RNF169: variants seen among roughly 807,000 people sequenced by gnomAD.
RNF169 encodes ring finger protein 169.
In RNF169, 24 loss-of-function variants were observed where a neutral mutation model predicts 53.9. That is an observed-to-expected ratio of 0.45 (90% confidence interval 0.32 to 0.63). The LOEUF is 0.63. RNF169 is among the 20% of genes least tolerant of loss of function. RNF169 has a pLI of 0.04. For synonymous variants in RNF169, 396 were observed against 363.5 expected, an observed-to-expected ratio of 1.09 and a Z score of -1.02; for missense variants, 883 against 906.2, an observed-to-expected ratio of 0.97 and a Z score of 0.33.
intron 2 of RNF169, chr11:74,808,279 TAAC>T (rs1038377854): frequency 3.9e-5 from 6 of 152,208 alleles, no homozygotes; most frequent in Admixed American, 1.3e-4. Flanking sequence ...CATAGTATGT[TAAC>T]AACATTAAGC....
At chr11:74,827,798 T>G (rs1158881191) in intron 4 of RNF169, among the ~76,000 whole-genome samples, 4 of 152,122 alleles carry the variant, frequency 2.6e-5, no homozygotes, top group Non-Finnish European at 5.9e-5. Context: ...TGTTGAAAAC[T>G]CTCAATAAAC....
intron 1 of RNF169, among the ~76,000 whole-genome samples, chr11:74,753,124 A>G (rs931954912): frequency 6.6e-6 from 1 of 152,026 alleles, no homozygotes; most frequent in Admixed American, 6.6e-5. Flanking sequence ...GTGCGCCACC[A>G]CGCCCGGCTA....
At position 74,749,125 on chromosome 11, in the gene RNF169, C is replaced by T. The variant is rs1371384290; in HGVS notation, c.245C>T (p.Pro82Leu). The T allele has an allele frequency of 3.0e-6, 4 of 1,352,514 alleles. No homozygotes were observed. The highest frequency in any genetic ancestry group is 3.1e-5 in the Admixed American group (1 of 32,184). The allele number at this position is 1,352,514 out of a possible 1,614,324, so 83.8% of individuals were successfully genotyped here. The change falls in exon 1 of 6, where the codon CCG (proline) becomes CTG (leucine). Residue 82 changes from proline (P) to leucine (L), a missense_variant. Pro to Leu is a moderately conservative substitution (Grantham distance 98). Around this residue, in one of 3 missense-constraint regions of RNF169, gnomAD observed 313 missense variants for 279.9 expected, o/e 1.12. Coordinates refer to ENST00000299563, the MANE Select transcript of RNF169 (RefSeq NM_001098638.2). ...LEPPGEAAAL[P>L]CGHSLCRGCA... Reference sequence around the variant, plus strand: ...CCCCCCGGAGAAGCAGCGGCCCTGCCGTGCGGCCACTCGCTTTGCCGAGGC... The same window carrying T: ...CCCCCCGGAGAAGCAGCGGCCCTGCTGTGCGGCCACTCGCTTTGCCGAGGC...
chr11:74,824,087 A>G (rs780513531), intron 4 of RNF169, among the ~76,000 whole-genome samples: 4 of 152,332 alleles, frequency 2.6e-5, no homozygotes, highest in Non-Finnish European at 2.9e-5. Context: ...AAGACATTTG[A>G]CATTTTTAAT....
At chr11:74,776,664 A>T (rs1257286367) in intron 1 of RNF169, among the ~76,000 whole-genome samples, 1 of 152,226 alleles carries the variant, frequency 6.6e-6, no homozygotes, top group African/African-American at 2.4e-5. Context: ...ATAAGTGCAG[A>T]ATGCCATGAG....
chr11:74,761,843 G>A (rs1162720221), intron 1 of RNF169, among the ~76,000 whole-genome samples: 3 of 145,110 alleles, frequency 2.1e-5, no homozygotes, highest in East Asian at 2.1e-4. Flanking sequence ...GAATCTGAAC[G>A]TTGGCCTGCC....
intron 1 of RNF169, among the ~76,000 whole-genome samples, chr11:74,752,609 A>G (rs2034916090): frequency 6.6e-6 from 1 of 152,062 alleles, no homozygotes; most frequent in Non-Finnish European, 1.5e-5. Flanking sequence ...AAAAAAAAAA[A>G]AAGATTCTTG....
intron 2 of RNF169, among the ~76,000 whole-genome samples, chr11:74,804,788 A>G (rs1030967100): frequency 1.3e-5 from 2 of 152,198 alleles, no homozygotes; most frequent in African/African-American, 4.8e-5. Flanking sequence ...CTGAGAACCT[A>G]TGGACGACGT....
At chr11:74,804,030 G>GA (rs558791495) in intron 2 of RNF169, among the ~76,000 whole-genome samples, 4 of 152,126 alleles carry the variant, frequency 2.6e-5, no homozygotes, top group East Asian at 1.9e-4. Context: ...ATTGATGAGA[G>GA]AAAAAAAATC....
At chr11:74,772,217 T>C (rs2035270155) in intron 1 of RNF169, among the ~76,000 whole-genome samples, 1 of 152,222 alleles carries the variant, frequency 6.6e-6, no homozygotes, top group African/African-American at 2.4e-5. Flanking sequence ...GTCATGTATG[T>C]CAGGGAAGGG....
intron 3 of RNF169, among the ~76,000 whole-genome samples, chr11:74,815,012 T>C (rs1183497089): frequency 1.3e-5 from 2 of 152,218 alleles, no homozygotes; most frequent in Non-Finnish European, 2.9e-5. Context: ...TTTCCTCACA[T>C]CTTGCCAACT....
At chr11:74,800,587 G>C (rs1195466145) in intron 2 of RNF169, among the ~76,000 whole-genome samples, 1 of 152,136 alleles carries the variant, frequency 6.6e-6, no homozygotes, top group African/African-American at 2.4e-5. Context: ...ATAGTAAACT[G>C]TATATAAGTA....
At chr11:74,799,066 A>C (rs1217930753) in intron 2 of RNF169, among the ~76,000 whole-genome samples, 1 of 98,028 alleles carries the variant, frequency 1.0e-5, no homozygotes, top group Non-Finnish European at 1.9e-5. Context: ...AAAAAGAAAA[A>C]AAAAAAAAGA....
Position 74,837,207 on chromosome 11 carries a change from C to T in RNF169, c.*477C>T, listed in dbSNP as rs983692041. 6.5e-6 allele frequency: 1 copy of T among 154,070 alleles called. No homozygotes were observed. The highest frequency in any genetic ancestry group is 2.4e-5 in the African/African-American group (1 of 41,448). The allele number at this position is 154,070 out of a possible 1,614,324, so 9.5% of individuals were successfully genotyped here. Reference sequence around the variant, plus strand: ...TGTTACGCTTTCTGCTGTCCCTTGCCAAAAATAAGTAAATATATCAGTTAA... The same window carrying T: ...TGTTACGCTTTCTGCTGTCCCTTGCTAAAAATAAGTAAATATATCAGTTAA... On this transcript the variant is annotated 3_prime_UTR_variant, in exon 6 of 6. Transcript: ENST00000299563.
intron 2 of RNF169, among the ~76,000 whole-genome samples, chr11:74,801,904 C>T (rs1351634475): frequency 6.6e-6 from 1 of 152,176 alleles, no homozygotes; most frequent in Non-Finnish European, 1.5e-5. Context: ...AATGTAGGGT[C>T]CCAGTTTGAG....
chr11:74,807,516 G>C (rs1450903530), intron 2 of RNF169, among the ~76,000 whole-genome samples: 2 of 152,186 alleles, frequency 1.3e-5, no homozygotes, highest in African/African-American at 4.8e-5. Flanking sequence ...TGGCATGTCA[G>C]TTGTGCTGAG....
chr11:74,815,562 A>C (rs1404636743), intron 3 of RNF169, among the ~76,000 whole-genome samples: 1 of 152,158 alleles, frequency 6.6e-6, no homozygotes, highest in Admixed American at 6.5e-5. Context: ...TCTCCAAAAA[A>C]AAAGGAACTT....
At chr11:74,770,460 T>C (rs1408997491) in intron 1 of RNF169, among the ~76,000 whole-genome samples, 1 of 152,206 alleles carries the variant, frequency 6.6e-6, no homozygotes, top group Non-Finnish European at 1.5e-5. Context: ...ATTTGTTCAT[T>C]TTAGCTGTAG....
chr11:74,809,816 A>C (rs958224687), intron 2 of RNF169, among the ~76,000 whole-genome samples: 1 of 152,230 alleles, frequency 6.6e-6, no homozygotes, highest in Admixed American at 6.5e-5. Flanking sequence ...TTCTGTGGCC[A>C]TCTCTGCTCT....
Sources: allele counts gnomAD v4.1 joint callset (sites outside exome capture counted in the v4.1 genomes callset), GRCh38; gene constraint gnomAD v4.1.1; regional missense constraint gnomAD v4.1.1; transcripts MANE v1.5; gene names NCBI Gene and HGNC (gene_info 2026-07-23, HGNC 2026-07-21).